Variants in RPS6KC1 observed in about 807,000 individuals in gnomAD.
The protein encoded by RPS6KC1 is ribosomal protein S6 kinase C1, also known as inactive ribosomal protein S6 kinase delta-1.
RPS6KC1 carries 54 observed loss-of-function variants against 103.8 expected under a neutral mutation model. The ratio of observed to expected loss-of-function variants is 0.52; its 90% CI spans 0.42 to 0.65. RPS6KC1 has a LOEUF of 0.65. Ranked by LOEUF, RPS6KC1 falls within the 30% of genes least tolerant of loss-of-function variation. The pLI is 0.00. For missense variants in RPS6KC1, 1,151 were observed against 1,253.8 expected, an observed-to-expected ratio of 0.92 and a Z score of 1.24; for synonymous variants, 439 against 438.7, an observed-to-expected ratio of 1.00 and a Z score of -0.01.
In RPS6KC1 at chr1:213,164,241, A is replaced by G. The variant is rs1457391240; in HGVS notation, c.836-3617A>G. ...GTGATGGCTTCTTGGATAAGTTAGA[A>G]TTTCTGGATTCCGTTATCTGTATAC... On this transcript the variant is annotated intron_variant, in intron 6 of 14. Transcript: ENST00000366960. Among the ~76,000 whole-genome samples, 2 of 152,168 alleles carry G rather than the reference A, an allele frequency of 1.3e-5. 1 individual carries two copies. The highest frequency in any genetic ancestry group is 3.8e-4 in the East Asian group (2 of 5,200).
At chr1:213,455,597 CCTT>C in the RPS6KC1 span, among the ~76,000 whole-genome samples, 9 of 152,126 alleles carry the variant, frequency 5.9e-5, no homozygotes, top group South Asian at 6.2e-4. Context: ...ATTGAGATGT[CCTT>C]CTCATATAGA....
intron 3 of RPS6KC1, among the ~76,000 whole-genome samples, chr1:213,080,525 G>C (rs184840897): frequency 7.2e-5 from 11 of 152,054 alleles, no homozygotes; most frequent in African/African-American, 2.7e-4. Context: ...AATTAAGCTC[G>C]TAATGTATAG....
chr1:213,635,393 A>G, the RPS6KC1 span, among the ~76,000 whole-genome samples: 1 of 152,214 alleles, frequency 6.6e-6, no homozygotes, highest in African/African-American at 2.4e-5. Flanking sequence ...GGCAAACCGA[A>G]TCCTGCAGCA....
the RPS6KC1 span, among the ~76,000 whole-genome samples, chr1:213,547,511 C>T: frequency 1.3e-5 from 2 of 152,318 alleles, no homozygotes; most frequent in African/African-American, 4.8e-5. Context: ...AGAACCGCTT[C>T]TATAGTATGC....
intron 6 of RPS6KC1, among the ~76,000 whole-genome samples, chr1:213,140,798 T>C (rs190286452): frequency 5.5e-4 from 83 of 152,072 alleles, no homozygotes; most frequent in African/African-American, 1.7e-3. Flanking sequence ...TTGAAATGTT[T>C]TGGTATCAGA....
intron 13 of RPS6KC1, among the ~76,000 whole-genome samples, chr1:213,262,271 A>C (rs2094815089): frequency 6.6e-6 from 1 of 152,010 alleles, no homozygotes; most frequent in Non-Finnish European, 1.5e-5. Context: ...GATAATACTG[A>C]CCTAAGATTG....
the RPS6KC1 span, among the ~76,000 whole-genome samples, chr1:213,301,023 C>G: frequency 6.6e-6 from 1 of 152,122 alleles, no homozygotes; most frequent in Non-Finnish European, 1.5e-5. Context: ...TTCTGGGGCT[C>G]TCTACTGTGA....
the RPS6KC1 span, among the ~76,000 whole-genome samples, chr1:213,694,330 CCTCT>C: frequency 2.0e-5 from 3 of 152,074 alleles, no homozygotes; most frequent in Non-Finnish European, 2.9e-5. Context: ...GTCCTTTTTT[CCTCT>C]CTCTATTTTC....
chr1:213,224,909 T>C (rs1426018505), intron 8 of RPS6KC1, among the ~76,000 whole-genome samples: 1 of 152,212 alleles, frequency 6.6e-6, no homozygotes, highest in Non-Finnish European at 1.5e-5. Flanking sequence ...GGTTGAAGCG[T>C]GTAAATTTGG....
At chr1:213,720,003 C>A in the RPS6KC1 span, among the ~76,000 whole-genome samples, 1 of 151,904 alleles carries the variant, frequency 6.6e-6, no homozygotes, top group South Asian at 2.1e-4. Context: ...GCTCTTCCTG[C>A]CTTCCTCTTT....
chr1:213,537,341 G>T, the RPS6KC1 span, among the ~76,000 whole-genome samples: 10 of 152,218 alleles, frequency 6.6e-5, no homozygotes, highest in African/African-American at 2.2e-4. Flanking sequence ...CACTGGGAGC[G>T]TTTACCCTGC....
At chr1:213,197,049 C>T (rs1333713760) in intron 8 of RPS6KC1, among the ~76,000 whole-genome samples, 1 of 152,124 alleles carries the variant, frequency 6.6e-6, no homozygotes, top group Non-Finnish European at 1.5e-5. Context: ...GTTGGTCAGG[C>T]TGGTCTTGAA....
At chr1:213,662,134 C>A in the RPS6KC1 span, among the ~76,000 whole-genome samples, 3 of 151,810 alleles carry the variant, frequency 2.0e-5, no homozygotes, top group African/African-American at 7.3e-5. Flanking sequence ...TCGAGACACA[C>A]TTTAAAGGAA....
At chr1:213,489,933 A>T in the RPS6KC1 span, among the ~76,000 whole-genome samples, 9 of 152,204 alleles carry the variant, frequency 5.9e-5, no homozygotes, top group Admixed American at 2.0e-4. Flanking sequence ...TCTATGCTGC[A>T]GGCAGAGGGG....
At chr1:213,589,289 AGGTT>A in the RPS6KC1 span, among the ~76,000 whole-genome samples, 2 of 152,180 alleles carry the variant, frequency 1.3e-5, no homozygotes, top group Admixed American at 6.5e-5. Flanking sequence ...CCTAGGAAGA[AGGTT>A]GGTCAGTCAA....
intron 8 of RPS6KC1, among the ~76,000 whole-genome samples, chr1:213,222,382 A>G (rs1414205179): frequency 6.6e-6 from 1 of 152,196 alleles, no homozygotes; most frequent in Non-Finnish European, 1.5e-5. Context: ...TTTACTCTTT[A>G]TGCTTGAATT....
At chr1:213,566,436 A>AGTT in the RPS6KC1 span, among the ~76,000 whole-genome samples, 1 of 25,790 alleles carries the variant, frequency 3.9e-5, no homozygotes, top group Non-Finnish European at 8.3e-5. Flanking sequence ...CTCAGCCTTT[A>AGTT]GTTTTTTTTT....
chr1:213,208,552 TCAAA>T (rs1285820294), intron 8 of RPS6KC1, among the ~76,000 whole-genome samples: 1 of 152,216 alleles, frequency 6.6e-6, no homozygotes, highest in Admixed American at 6.5e-5. Context: ...TGTTGGGAGA[TCAAA>T]CAAATATCAG....
chr1:213,748,261 C>A, the RPS6KC1 span, among the ~76,000 whole-genome samples: 3 of 152,188 alleles, frequency 2.0e-5, no homozygotes, highest in Admixed American at 6.5e-5. Flanking sequence ...CCAGAAAGTG[C>A]CATGACATTT....
Sources: gnomAD v4.1 joint callset for allele counts (sites outside exome capture counted in the v4.1 genomes callset) on GRCh38, gnomAD v4.1.1 for gene constraint, MANE v1.5 for transcripts, NCBI Gene and HGNC (gene_info 2026-07-23, HGNC 2026-07-21) for gene names.